GALR2: variants seen among roughly 807,000 people sequenced by gnomAD.
The protein encoded by GALR2 is galanin receptor 2.
GALR2 carries 5 observed loss-of-function variants against 7.2 expected under a neutral mutation model. The ratio of observed to expected loss-of-function variants is 0.69; its 90% confidence interval spans 0.36 to 1.45. GALR2 has a LOEUF of 1.45. GALR2 is among the 40% of genes most tolerant of loss of function. The pLI is 0.03. For missense variants in GALR2, 561 were observed against 555.7 expected, an observed-to-expected ratio of 1.01 and a Z score of -0.10; for synonymous variants, 300 against 263.9, an observed-to-expected ratio of 1.14 and a Z score of -1.32.
At chr17:76,072,590 G>A (rs1598274012), upstream of GALR2, 2 of 1,481,328 alleles carry the variant, frequency 1.4e-6, no homozygotes, top group South Asian at 1.4e-5. This position sits in a 1 kb window ranked among gnomAD's most constrained non-coding sequence, Gnocchi z 4.5. Flanking sequence ...GGATAGCGGC[G>A]GACTCCGCCG....
In GALR2 at chr17:76,075,050, C is replaced by T; in HGVS notation, c.167C>T (p.Ala56Val). Residue 56 changes from alanine to valine, a missense_variant, in exon 1 of 2, where the codon GCG becomes GTG. By Grantham distance (64) the Ala-to-Val change is moderately conservative (BLOSUM62 0). Coordinates refer to ENST00000329003, the MANE Select transcript of GALR2 (RefSeq NM_003857.4). This position sits in a 1 kb window ranked among gnomAD's most constrained non-coding sequence, Gnocchi z 5.9. The part of the protein sequence containing the change: ...VLAVLLRGGQ[A>V]VSTTNLFILN... ...GCGGTGCTGCTGCGCGGCGGCCAGG[C>T]GGTCAGCACTACCAACCTGTTCATC... 6.2e-7 allele frequency: 1 copy of T among 1,611,332 alleles called. No homozygotes were observed. Among genetic ancestry groups the T allele is most frequent in the Non-Finnish European group, 8.5e-7 (1 of 1,179,948 alleles).
At chr17:76,072,131 G>A, upstream of GALR2, 1 of 1,228,988 alleles carries the variant, frequency 8.1e-7, no homozygotes. The surrounding 1 kb of genome is among the most constrained non-coding windows in gnomAD (Gnocchi z 4.5). Context: ...CACGAGGAAA[G>A]ACTAGTCGAG....
rs2066881611 is a variant in GALR2, at chr17:76,075,040, G to T, written c.157G>T (p.Gly53Cys). ...GCTGGTGCTGGCGGTGCTGCTGCGC[G>T]GCGGCCAGGCGGTCAGCACTACCAA... The part of the protein sequence containing the change: ...NTLVLAVLLR[G>C]GQAVSTTNLF... The change falls in exon 1 of 2, where the codon GGC (glycine) becomes TGC (cysteine). Residue 53 changes from glycine to cysteine, a missense_variant. Physicochemically the swap from Gly to Cys is radical, Grantham distance 159. Transcript: ENST00000329003. This position sits in a 1 kb window ranked among gnomAD's most constrained non-coding sequence, Gnocchi z 5.9. The T allele has an allele frequency of 4.3e-6, 7 of 1,610,800 alleles. No homozygotes were observed. Among genetic ancestry groups the T allele is most frequent in the South Asian group, 1.1e-5 (1 of 91,002 alleles).
At chr17:76,072,443 C>A (rs572529275), upstream of GALR2, 72 of 1,583,352 alleles carry the variant, frequency 4.5e-5, no homozygotes, top group African/African-American at 6.3e-4. This position sits in a 1 kb window ranked among gnomAD's most constrained non-coding sequence, Gnocchi z 4.5. Flanking sequence ...CCGCCGCCGC[C>A]ACTGCCGCCG....
Position 76,076,801 on chromosome 17 carries a change from G to A in GALR2, c.534G>A (p.Ala178=). The change falls in exon 2 of 2, where the codon GCG becomes GCA. Residue 178 remains alanine, a synonymous_variant. Transcript: ENST00000329003. The surrounding 1 kb of genome is among the most constrained non-coding windows in gnomAD (Gnocchi z 6.5). ...QLANLTVCHP[A]WSAPRRRAMD... ...CCAACCTGACCGTGTGCCATCCCGC[G>A]TGGAGCGCCCCTCGCCGCCGCGCCA... 1 of 1,605,788 alleles carries A rather than the reference G, an allele frequency of 6.2e-7. No homozygotes were observed. Among genetic ancestry groups the A allele is most frequent in the Non-Finnish European group, 8.5e-7 (1 of 1,179,816 alleles).
chr17:76,072,171 C>CA, upstream of GALR2: 4 of 1,520,460 alleles, frequency 2.6e-6, no homozygotes, highest in Non-Finnish European at 3.5e-6. The surrounding 1 kb of genome is among the most constrained non-coding windows in gnomAD (Gnocchi z 4.5). Flanking sequence ...TTCTGAGCAC[C>CA]AAAAGGTAAG....
upstream of GALR2, among the ~76,000 whole-genome samples, chr17:76,073,920 C>T (rs2066874191): frequency 6.6e-6 from 1 of 151,732 alleles, no homozygotes; most frequent in Non-Finnish European, 1.5e-5. Context: ...CCGAGGTGGG[C>T]GGATCACTTG....
chr17:76,073,709 G>A (rs2144543400), upstream of GALR2, among the ~76,000 whole-genome samples: 1 of 151,380 alleles, frequency 6.6e-6, no homozygotes, highest in East Asian at 2.0e-4. Flanking sequence ...TCCTTTCTCA[G>A]CAGATCCCTC....
At position 76,076,982 on chromosome 17, in the gene GALR2, C is replaced by T; in HGVS notation, c.715C>T (p.Leu239Phe). Residue 239 changes from leucine (L) to phenylalanine (F), a missense_variant, in exon 2 of 2, where the codon CTC becomes TTC. Coordinates refer to ENST00000329003, the MANE Select transcript of GALR2 (RefSeq NM_003857.4). The surrounding 1 kb of genome is among the most constrained non-coding windows in gnomAD (Gnocchi z 6.5). The stretch of plus-strand genomic sequence containing the variant: ...CAAGCGCAAGGTGACACGCATGATC[C>T]TCATCGTGGCCGCGCTCTTCTGCCT... ...RAKRKVTRMILIVAALFCLCW... is the reference protein window; with the variant it reads ...RAKRKVTRMIFIVAALFCLCW... The T allele has an allele frequency of 6.2e-7, 1 of 1,607,992 alleles. No individual in the cohort carries two copies. The highest frequency in any genetic ancestry group is 1.1e-5 in the South Asian group (1 of 91,064).
chr17:76,072,544 G>A, upstream of GALR2: 5 of 1,548,488 alleles, frequency 3.2e-6, no homozygotes, highest in Non-Finnish European at 4.3e-6. This position sits in a 1 kb window ranked among gnomAD's most constrained non-coding sequence, Gnocchi z 4.5. Context: ...GACGACCTGG[G>A]CGGGTGAGAG....
At chr17:76,073,445 G>C (rs999924950), upstream of GALR2, among the ~76,000 whole-genome samples, 3 of 140,074 alleles carry the variant, frequency 2.1e-5, no homozygotes, top group African/African-American at 8.1e-5. Flanking sequence ...ACAGGCGCCT[G>C]CCACCACGTC....
In GALR2 at chr17:76,075,242, C is replaced by A. The variant is rs781620715; in HGVS notation, c.359C>A (p.Ser120Tyr). The A allele has an allele frequency of 6.2e-7, 1 of 1,601,524 alleles. No individual in the cohort carries two copies. Among genetic ancestry groups the A allele is most frequent in the South Asian group, 1.1e-5 (1 of 90,874 alleles). Residue 120 changes from serine (S) to tyrosine (Y), a missense_variant, in exon 1 of 2, where the codon TCC becomes TAC. By Grantham distance (144) the Ser-to-Tyr change is moderately radical (BLOSUM62 -2). Transcript: ENST00000329003. This position sits in a 1 kb window ranked among gnomAD's most constrained non-coding sequence, Gnocchi z 5.9. ...HASSFTLAAV[S>Y]LDRYLAIRYP... ...AGCAGCTTCACGCTGGCCGCCGTCT[C>A]CCTGGACAGGTGAGCCAGCGCCTTG... is the stretch of plus-strand genomic sequence containing the variant.
upstream of GALR2, chr17:76,072,629 A>G (rs2066866248): frequency 4.2e-6 from 6 of 1,440,582 alleles, no homozygotes; most frequent in South Asian, 1.5e-5. The surrounding 1 kb of genome is among the most constrained non-coding windows in gnomAD (Gnocchi z 4.5). Flanking sequence ...GCAGGGCGCC[A>G]TGTGCTGGAG....
In GALR2 at chr17:76,076,916, G is replaced by T; in HGVS notation, c.649G>T (p.Ala217Ser). The T allele has an allele frequency of 6.2e-7, 1 of 1,601,814 alleles. No individual in the cohort carries two copies. Among genetic ancestry groups the T allele is most frequent in the South Asian group, 1.1e-5 (1 of 90,960 alleles). ...GCGCACCTTGCGCTACCTCTGGCGC[G>T]CCGTCGACCCGGTGGCCGCGGGCTC... ...YARTLRYLWR[A>S]VDPVAAGSGA... The change falls in exon 2 of 2, where the codon GCC becomes TCC. Residue 217 changes from alanine to serine, a missense_variant. Physicochemically the swap from Ala to Ser is moderately conservative, Grantham distance 99. Transcript: ENST00000329003. This position sits in a 1 kb window ranked among gnomAD's most constrained non-coding sequence, Gnocchi z 6.5.
upstream of GALR2, chr17:76,072,127 G>A (rs1461652478): frequency 3.3e-6 from 4 of 1,215,628 alleles, no homozygotes; most frequent in African/African-American, 3.2e-5. This position sits in a 1 kb window ranked among gnomAD's most constrained non-coding sequence, Gnocchi z 4.5. Context: ...GGGACACGAG[G>A]AAAGACTAGT....
chr17:76,072,294 TTACTC>T (rs2066859374), upstream of GALR2: 1 of 1,607,964 alleles, frequency 6.2e-7, no homozygotes, highest in African/African-American at 1.4e-5. The surrounding 1 kb of genome is among the most constrained non-coding windows in gnomAD (Gnocchi z 4.5). Context: ...TTAGGCCCGA[TTACTC>T]TAGGATACTC....
In GALR2 at chr17:76,075,970, G is replaced by A. The variant is rs1286065975; in HGVS notation, c.369-666G>A. Among the ~76,000 whole-genome samples the A allele has an allele frequency of 6.6e-6, 1 of 152,220 alleles. No individual in the cohort carries two copies. Among genetic ancestry groups the A allele is most frequent in the Non-Finnish European group, 1.5e-5 (1 of 68,028 alleles). ...GCGAGAGACGCACATTCGGGAGAGC[G>A]CGGGACTCAGGTGGAGCTTGAAAGG... is the stretch of plus-strand genomic sequence containing the variant. On this transcript the variant is annotated intron_variant, in intron 1 of 1. Transcript: ENST00000329003. This position sits in a 1 kb window ranked among gnomAD's most constrained non-coding sequence, Gnocchi z 5.9.
At position 76,077,160 on chromosome 17, in the gene GALR2, A is replaced by T; in HGVS notation, c.893A>T (p.His298Leu). Residue 298 changes from histidine to leucine, a missense_variant, in exon 2 of 2, where the codon CAC (histidine) becomes CTC (leucine). Coordinates refer to ENST00000329003, the MANE Select transcript of GALR2 (RefSeq NM_003857.4). ...NPIVYALVSK[H>L]FRKGFRTICA... is the part of the protein sequence containing the mutation. Reference sequence around the variant, plus strand: ...ATCGTTTACGCGCTGGTCTCCAAGCACTTCCGCAAAGGCTTCCGCACGATC... The same window carrying T: ...ATCGTTTACGCGCTGGTCTCCAAGCTCTTCCGCAAAGGCTTCCGCACGATC... 1 of 1,612,416 alleles carries T rather than the reference A, an allele frequency of 6.2e-7. No individual in the cohort carries two copies. The highest frequency in any genetic ancestry group is 8.5e-7 in the Non-Finnish European group (1 of 1,179,702).
upstream of GALR2, among the ~76,000 whole-genome samples, chr17:76,073,912 G>A (rs1381812892): frequency 6.6e-6 from 1 of 152,000 alleles, no homozygotes; most frequent in Non-Finnish European, 1.5e-5. Flanking sequence ...TTGGGAGGCC[G>A]AGGTGGGCGG....
Sources: gnomAD v4.1 joint callset for allele counts (sites outside exome capture counted in the v4.1 genomes callset) on GRCh38, gnomAD v4.1.1 for gene constraint, Gnocchi (gnomAD v3.1) non-coding constraint, MANE v1.5 for transcripts, NCBI Gene and HGNC (gene_info 2026-07-23, HGNC 2026-07-21) for gene names.